EPHA5: variants seen among roughly 807,000 people sequenced by gnomAD.
The protein encoded by EPHA5 is ephrin type-A receptor 5.
A neutral mutation model predicts 105.0 loss-of-function variants in EPHA5; 60 were observed. That is an observed-to-expected ratio of 0.57 (90% CI 0.46 to 0.71). The LOEUF (loss-of-function observed/expected upper bound fraction) is 0.71. Ranked by LOEUF, EPHA5 falls within the 30% of genes least tolerant of loss-of-function variation. EPHA5 has a pLI of 0.00. For missense variants in EPHA5, 1,218 were observed against 1,274.7 expected, an observed-to-expected ratio of 0.96 and a Z score of 0.68; for synonymous variants, 513 against 449.1, an observed-to-expected ratio of 1.14 and a Z score of -1.80.
intron 1 of EPHA5, among the ~76,000 whole-genome samples, chr4:65,649,367 T>G (rs1443812404): frequency 6.6e-6 from 1 of 152,182 alleles, no homozygotes; most frequent in East Asian, 1.9e-4. Context: ...GAATCTACCT[T>G]GTTTGTACAT....
At chr4:65,443,130 G>T (rs1726176954) in intron 5 of EPHA5, among the ~76,000 whole-genome samples, 1 of 152,098 alleles carries the variant, frequency 6.6e-6, no homozygotes, top group Non-Finnish European at 1.5e-5. Flanking sequence ...AGATGAGAAG[G>T]TCCAGCTGTA....
intron 2 of EPHA5, among the ~76,000 whole-genome samples, chr4:65,614,118 C>G (rs1745019321): frequency 6.6e-6 from 1 of 151,890 alleles, no homozygotes; most frequent in Admixed American, 6.6e-5. Flanking sequence ...CTACTGGCGT[C>G]TTCTGTCAAC....
intron 3 of EPHA5, among the ~76,000 whole-genome samples, chr4:65,563,689 C>T (rs999157352): frequency 1.3e-5 from 2 of 151,864 alleles, no homozygotes; most frequent in African/African-American, 4.8e-5. Context: ...TTAAAAAACT[C>T]GAAGCAAGCA....
chr4:65,435,974 A>T (rs1725440221), intron 5 of EPHA5, among the ~76,000 whole-genome samples: 2 of 152,090 alleles, frequency 1.3e-5, no homozygotes, highest in South Asian at 4.1e-4. Flanking sequence ...ATTTATTATA[A>T]TGTTACAGTT....
chr4:65,582,131 A>G (rs142127263), intron 3 of EPHA5, among the ~76,000 whole-genome samples: 256 of 151,578 alleles, frequency 1.7e-3, no homozygotes, highest in African/African-American at 5.8e-3. Flanking sequence ...AATAAAAGGA[A>G]CTCCTCAGTG....
intron 3 of EPHA5, among the ~76,000 whole-genome samples, chr4:65,522,320 A>G (rs890689035): frequency 2.6e-4 from 39 of 147,712 alleles, no homozygotes; most frequent in Non-Finnish European, 5.2e-4. Context: ...ATATATGTAT[A>G]TATATATATA....
At chr4:65,658,370 A>G (rs1195559184) in intron 1 of EPHA5, among the ~76,000 whole-genome samples, 2 of 152,038 alleles carry the variant, frequency 1.3e-5, no homozygotes, top group Non-Finnish European at 2.9e-5. Flanking sequence ...TCCTGAGGGC[A>G]CTGGAGGACT....
intron 11 of EPHA5, among the ~76,000 whole-genome samples, chr4:65,353,783 A>G (rs1338601787): frequency 6.6e-6 from 1 of 151,702 alleles, no homozygotes; most frequent in African/African-American, 2.4e-5. Context: ...ATGTTTTTGT[A>G]ACTCCTTTCC....
rs1056564404 is a variant in EPHA5, at chr4:65,601,759, G to C, written c.792C>G (p.Asn264Lys). Residue 264 changes from asparagine (N) to lysine (K), a missense_variant, in exon 3 of 17, where the codon AAC becomes AAG. This residue lies in a region of EPHA5 where 971 missense variants were observed against 1,013.5 expected (regional missense o/e 0.96). Transcript: ENST00000613740. ...QLLEVSGSCV[N>K]HSVTDEPPKM... The stretch of plus-strand genomic sequence containing the variant: ...TGGGAGGTTCATCGGTCACAGAATG[G>C]TTGACACAGGAGCCTGACACTTCGA... 1.2e-6 allele frequency: 2 copies of C among 1,614,004 alleles called. No individual in the cohort carries two copies. The highest frequency in any genetic ancestry group is 1.7e-6 in the Non-Finnish European group (2 of 1,180,020).
chr4:65,577,593 T>A lies in EPHA5; in HGVS notation c.910+24048A>T, dbSNP rs201422482. 2.0e-5 allele frequency among the ~76,000 whole-genome samples: 3 copies of A among 152,180 alleles called. No homozygotes were observed. In the East Asian group the frequency reaches 5.8e-4, roughly 29 times the overall value. On this transcript the variant is annotated intron_variant, in intron 3 of 16. Transcript: ENST00000613740. Reference sequence around the variant, plus strand: ...TAATTTAAATCTAATTTACTTATTATTCCTTAGTCTATAATAAAATTTTAA... The same window carrying A: ...TAATTTAAATCTAATTTACTTATTAATCCTTAGTCTATAATAAAATTTTAA...
At chr4:65,592,060 C>A (rs1036949963) in intron 3 of EPHA5, among the ~76,000 whole-genome samples, 4 of 151,694 alleles carry the variant, frequency 2.6e-5, no homozygotes, top group African/African-American at 9.7e-5. Flanking sequence ...CATGGTATAC[C>A]TGGGGAGCTA....
At chr4:65,374,840 T>C (rs1246527825) in intron 8 of EPHA5, among the ~76,000 whole-genome samples, 4 of 151,924 alleles carry the variant, frequency 2.6e-5, no homozygotes, top group African/African-American at 9.7e-5. Context: ...TGAAAATTAT[T>C]GACATGGTGA....
At chr4:65,376,804 T>C (rs1209292623) in intron 8 of EPHA5, among the ~76,000 whole-genome samples, 1 of 151,978 alleles carries the variant, frequency 6.6e-6, no homozygotes, top group Non-Finnish European at 1.5e-5. Flanking sequence ...TATGAATGCT[T>C]GACATAGGGA....
At chr4:65,475,012 A>T (rs2149171471) in intron 5 of EPHA5, among the ~76,000 whole-genome samples, 1 of 152,258 alleles carries the variant, frequency 6.6e-6, no homozygotes, top group Non-Finnish European at 1.5e-5. Context: ...AAATGCTTTC[A>T]CAGATGTGTA....
At chr4:65,555,342 A>T (rs542769780) in intron 3 of EPHA5, among the ~76,000 whole-genome samples, 2 of 152,120 alleles carry the variant, frequency 1.3e-5, no homozygotes, top group South Asian at 2.1e-4. Context: ...GAAAATCGTG[A>T]TTTTAAATAT....
At chr4:65,640,813 T>A (rs539944287) in intron 2 of EPHA5, among the ~76,000 whole-genome samples, 1 of 152,216 alleles carries the variant, frequency 6.6e-6, no homozygotes, top group African/African-American at 2.4e-5. Context: ...CATACTTACA[T>A]CCTTGGGCAT....
intron 3 of EPHA5, among the ~76,000 whole-genome samples, chr4:65,597,613 C>A (rs921294671): frequency 7.2e-5 from 11 of 152,128 alleles, no homozygotes; most frequent in African/African-American, 2.7e-4. Context: ...AGAAAGAAAT[C>A]TGTAGACTTA....
At chr4:65,384,452 C>T (rs1719890168) in intron 8 of EPHA5, among the ~76,000 whole-genome samples, 1 of 151,874 alleles carries the variant, frequency 6.6e-6, no homozygotes, top group Admixed American at 6.6e-5. Context: ...AATTTTTGGT[C>T]CCTATTTCCA....
rs572100595 is a variant in EPHA5 at position 65,544,559 on chromosome 4, T to C, written c.911-49016A>G. Among the ~76,000 whole-genome samples the C allele has an allele frequency of 8.5e-5, 13 of 152,060 alleles. No homozygotes were observed. In the South Asian group the frequency reaches 2.5e-3, roughly 29 times the overall value. On this transcript the variant is annotated intron_variant, in intron 3 of 16. Coordinates refer to ENST00000613740, the MANE Select transcript of EPHA5 (RefSeq NM_001281766.3). The stretch of plus-strand genomic sequence containing the variant: ...CTCATTCCAGTCAGAATGGCAATTA[T>C]TAAAAAGTCAAGAAGTAGCAGATGC...
Sources: gnomAD v4.1 joint callset for allele counts (sites outside exome capture counted in the v4.1 genomes callset) on GRCh38, gnomAD v4.1.1 for gene constraint, gnomAD v4.1.1 regional missense constraint, MANE v1.5 for transcripts, NCBI Gene and HGNC (gene_info 2026-07-23, HGNC 2026-07-21) for gene names.